The following PKHD1 variants were observed in gnomAD, a reference collection of about 807,000 sequenced individuals.
The protein encoded by PKHD1 is PKHD1 ciliary IPT domain containing fibrocystin/polyductin.
In PKHD1, 291 loss-of-function variants were observed where a neutral mutation model predicts 412.0. The observed-to-expected ratio is 0.71, with a 90% CI of 0.64 to 0.78. The LOEUF (loss-of-function observed/expected upper bound fraction) is 0.78, where lower values mean the gene tolerates loss of function less well. Among genes scored for constraint, PKHD1 ranks in the 30% least tolerant of loss-of-function variants. The probability of loss-of-function intolerance (pLI) is 0.00; values close to 1 mark genes in which losing one functional copy is unlikely to be tolerated. For missense variants in PKHD1, 4,825 were observed against 4,950.7 expected (o/e 0.97, Z 0.76); for synonymous variants, 1,777 against 1,821.5 (o/e 0.98, Z 0.62).
At chr6:51,903,276 A>G (rs1781552942) in intron 43 of PKHD1, among the ~76,000 whole-genome samples, 1 of 152,208 alleles carries the variant, frequency 6.6e-6, no homozygotes, top group African/African-American at 2.4e-5. Flanking sequence ...CACCACCACT[A>G]ACGCTGCCAC....
At chr6:51,764,794 T>C (rs892191573) in intron 55 of PKHD1, among the ~76,000 whole-genome samples, 1 of 152,046 alleles carries the variant, frequency 6.6e-6, no homozygotes, top group African/African-American at 2.4e-5. Flanking sequence ...ATCATGGTAT[T>C]CTTTCAGACC....
chr6:51,820,688 T>C (rs549341831), intron 52 of PKHD1, among the ~76,000 whole-genome samples: 49 of 152,200 alleles, frequency 3.2e-4, no homozygotes, highest in Non-Finnish European at 6.6e-4. Flanking sequence ...ACCCTTGAGC[T>C]GCTTAATAGT....
chr6:51,800,869 G>A (rs1218555830), intron 52 of PKHD1, among the ~76,000 whole-genome samples: 1 of 152,198 alleles, frequency 6.6e-6, no homozygotes, highest in Non-Finnish European at 1.5e-5. Flanking sequence ...CTGAGGGAGA[G>A]CAATGGCATG....
chr6:51,698,006 T>C (rs1249873509), intron 60 of PKHD1, among the ~76,000 whole-genome samples: 1 of 152,220 alleles, frequency 6.6e-6, no homozygotes, highest in African/African-American at 2.4e-5. Flanking sequence ...ATTAGCCAAT[T>C]AAATCATCCC....
chr6:51,882,594 C>T (rs1318139398), intron 46 of PKHD1, among the ~76,000 whole-genome samples: 1 of 152,092 alleles, frequency 6.6e-6, no homozygotes, highest in Non-Finnish European at 1.5e-5. Flanking sequence ...CATTATAGAC[C>T]TGAAGCCTAA....
chr6:51,735,001 G>A (rs1562192484), intron 60 of PKHD1, among the ~76,000 whole-genome samples: 2 of 152,170 alleles, frequency 1.3e-5, no homozygotes, highest in African/African-American at 2.4e-5. Flanking sequence ...TATATATTAT[G>A]TATGAAGAAG....
intron 32 of PKHD1, among the ~76,000 whole-genome samples, chr6:52,024,172 A>C (rs758077099): frequency 6.6e-6 from 1 of 152,216 alleles, no homozygotes; most frequent in South Asian, 2.1e-4. Context: ...AATATTACAA[A>C]ATGATAAAAA....
chr6:51,902,215 T>C (rs1359959246), intron 43 of PKHD1, among the ~76,000 whole-genome samples: 1 of 152,174 alleles, frequency 6.6e-6, no homozygotes, highest in Non-Finnish European at 1.5e-5. Context: ...CCCAAAAGCT[T>C]ACAGACATAG....
chr6:51,859,434 G>A (rs1396011109), intron 48 of PKHD1, among the ~76,000 whole-genome samples: 1 of 150,856 alleles, frequency 6.6e-6, no homozygotes, highest in Non-Finnish European at 1.5e-5. Context: ...GCTGAGGCAG[G>A]AGAATGGCGT....
chr6:51,660,052 AT>A, intron 60 of PKHD1, 83 bp from the exon 61 acceptor site: 1 of 846,560 alleles, frequency 1.2e-6, no homozygotes, highest in Non-Finnish European at 1.9e-6. Context: ...TCTTGCCATC[AT>A]CTATAACTGG....
In PKHD1 at chr6:51,638,436, G is replaced by A. The variant is rs920259980; in HGVS notation, c.11506+413C>T. On this transcript the variant is annotated intron_variant, in intron 64 of 66. Coordinates refer to ENST00000371117, the MANE Select transcript of PKHD1 (RefSeq NM_138694.4). ...ACCCCTTATTCTGAAGTGCCAGGATGTTGATGGGTATTGTCCCCATTTGGC... is the reference window on the plus strand; with the variant it reads ...ACCCCTTATTCTGAAGTGCCAGGATATTGATGGGTATTGTCCCCATTTGGC... Among the ~76,000 whole-genome samples, 32 of 152,134 alleles carry A rather than the reference G, an allele frequency of 2.1e-4. 1 individual carries two copies. The highest frequency in any genetic ancestry group is 7.5e-4 in the African/African-American group (31 of 41,422).
chr6:52,065,132 A>ATTAT, intron 12 of PKHD1, 82 bp from the exon 13 acceptor site: 1 of 172,750 alleles, frequency 5.8e-6, no homozygotes. Flanking sequence ...TATATGTATA[A>ATTAT]TTATATATAT....
In PKHD1 at chr6:51,748,307, G is replaced by A; in HGVS notation, c.9309C>T (p.Gly3103=). ...GNVVAGSERL[G]FHIRGHKCSS... Reference sequence around the variant, plus strand: ...AGCACTTGTGGCCTCGGATGTGAAAGCCAAGTCTCTCTGATCCTGCCACAA... The same window carrying A: ...AGCACTTGTGGCCTCGGATGTGAAAACCAAGTCTCTCTGATCCTGCCACAA... The change falls in exon 58 of 67, where the codon GGC becomes GGT. Residue 3103 remains glycine, a synonymous_variant. Coordinates refer to ENST00000371117, the MANE Select transcript of PKHD1 (RefSeq NM_138694.4). 6.2e-7 allele frequency: 1 copy of A among 1,614,052 alleles called. No homozygotes were observed. The highest frequency in any genetic ancestry group is 8.5e-7 in the Non-Finnish European group (1 of 1,179,962).
chr6:51,811,515 T>C (rs1197024905), intron 52 of PKHD1, among the ~76,000 whole-genome samples: 1 of 152,178 alleles, frequency 6.6e-6, no homozygotes, highest in South Asian at 2.1e-4. Flanking sequence ...ACTTAGAACA[T>C]ATGCTTTTCA....
At chr6:51,648,853 C>T (rs1336214580) in intron 62 of PKHD1, among the ~76,000 whole-genome samples, 1 of 152,126 alleles carries the variant, frequency 6.6e-6, no homozygotes, top group Non-Finnish European at 1.5e-5. Flanking sequence ...GGAAAAGTAT[C>T]AGAATTTTAT....
At chr6:51,767,782 T>C (rs2151103100) in intron 55 of PKHD1, among the ~76,000 whole-genome samples, 1 of 152,328 alleles carries the variant, frequency 6.6e-6, no homozygotes, top group South Asian at 2.1e-4. Flanking sequence ...AACATATGTG[T>C]GCATGTGTCT....
intron 16 of PKHD1, among the ~76,000 whole-genome samples, chr6:52,057,637 G>A (rs546184440): frequency 4.6e-5 from 7 of 152,248 alleles, no homozygotes; most frequent in Admixed American, 2.6e-4. Flanking sequence ...GGATGGTCTC[G>A]ATCACTTGAC....
In PKHD1 at chr6:51,617,265, G is replaced by A. The variant is rs1198137136; in HGVS notation, c.*1816C>T. The stretch of plus-strand genomic sequence containing the variant: ...GATCCAATGAGTATACTAAAGTAGA[G>A]ATTGCAAAGGCAAATGACTTCAAGA... On this transcript the variant is annotated 3_prime_UTR_variant, in exon 67 of 67. Transcript: ENST00000371117. 6.6e-6 allele frequency: 1 copy of A among 152,090 alleles called. No homozygotes were observed. The highest frequency in any genetic ancestry group is 1.5e-5 in the Non-Finnish European group (1 of 68,018). The allele number at this position is 152,090 out of a possible 1,614,324, so 9.4% of individuals were successfully genotyped here. A position where few individuals can be genotyped will look rare whatever the true frequency, so the allele number is the denominator to read the frequency against.
intron 36 of PKHD1, among the ~76,000 whole-genome samples, chr6:51,948,143 T>C (rs1380201630): frequency 1.3e-5 from 2 of 152,168 alleles, no homozygotes; most frequent in African/African-American, 4.8e-5. Context: ...CATGGATTAT[T>C]GTAACAGCAT....
Sources: allele counts gnomAD v4.1 joint callset (sites outside exome capture counted in the v4.1 genomes callset), GRCh38; gene constraint gnomAD v4.1.1; transcripts MANE v1.5; gene names NCBI Gene and HGNC (gene_info 2026-07-23, HGNC 2026-07-21).